EFCAB6: variants seen among roughly 807,000 people sequenced by gnomAD.
EFCAB6 encodes EF-hand calcium binding domain 6.
A neutral mutation model predicts 169.8 loss-of-function variants in EFCAB6; 156 were observed. The ratio of observed to expected loss-of-function variants is 0.92; its 90% confidence interval spans 0.81 to 1.05. The LOEUF (loss-of-function observed/expected upper bound fraction) is 1.05. EFCAB6 is among the 50% of genes least tolerant of loss of function. EFCAB6 has a pLI of 0.00. For missense variants in EFCAB6, 1,800 were observed against 1,829.1 expected (o/e 0.98, Z 0.29); for synonymous variants, 698 against 676.4 (o/e 1.03, Z -0.50).
chr22:43,730,925 A>G (rs1020128266), intron 8 of EFCAB6, among the ~76,000 whole-genome samples: 5 of 152,202 alleles, frequency 3.3e-5, no homozygotes, highest in Admixed American at 3.3e-4. Flanking sequence ...GAATCATAGA[A>G]CATGGTCCCT....
chr22:43,782,540 A>C (rs1603366458), intron 2 of EFCAB6, among the ~76,000 whole-genome samples: 3 of 152,348 alleles, frequency 2.0e-5, no homozygotes, highest in African/African-American at 7.2e-5. Flanking sequence ...AATAAACTTC[A>C]AAAACGGCAA....
At chr22:43,762,399 C>T (rs566854310) in intron 5 of EFCAB6, among the ~76,000 whole-genome samples, 3 of 152,162 alleles carry the variant, frequency 2.0e-5, no homozygotes. Context: ...TTGGCCAATA[C>T]CCTCAGGGAG....
intron 21 of EFCAB6, among the ~76,000 whole-genome samples, chr22:43,612,567 G>A (rs146481438): frequency 9.9e-4 from 151 of 152,236 alleles, no homozygotes; most frequent in Middle Eastern, 3.4e-3. Flanking sequence ...ACCACAATGA[G>A]ATACCATCTC....
At chr22:43,811,578 G>A (rs1476037416) in intron 1 of EFCAB6, among the ~76,000 whole-genome samples, 1 of 152,154 alleles carries the variant, frequency 6.6e-6, no homozygotes, top group Non-Finnish European at 1.5e-5. Context: ...TTCTGAGGGA[G>A]GCAGGGGTAA....
chr22:43,763,443 C>G (rs1385640541), intron 5 of EFCAB6, among the ~76,000 whole-genome samples: 1 of 152,090 alleles, frequency 6.6e-6, no homozygotes, highest in Non-Finnish European at 1.5e-5. Context: ...CAAAAGATCT[C>G]TAGAACATTT....
chr22:43,747,286 G>C (rs2060599379), intron 6 of EFCAB6, among the ~76,000 whole-genome samples: 1 of 152,202 alleles, frequency 6.6e-6, no homozygotes, highest in South Asian at 2.1e-4. Context: ...TGCACGGAAA[G>C]GCTGGCTGCA....
At chr22:43,672,388 G>T in intron 13 of EFCAB6, 83 bp from the exon 14 acceptor site, 1 of 1,436,808 alleles carries the variant, frequency 7.0e-7, no homozygotes, top group South Asian at 1.2e-5. Flanking sequence ...ACCTGGACTG[G>T]AATCCTAGCT....
intron 28 of EFCAB6, among the ~76,000 whole-genome samples, 158 bp downstream of exon 28, chr22:43,539,969 C>G (rs941230751): frequency 8.5e-5 from 13 of 152,170 alleles, no homozygotes; most frequent in Admixed American, 3.9e-4. Context: ...ATGCTAAGGA[C>G]CTGCCAGTGG....
chr22:43,773,030 T>C lies in EFCAB6; in HGVS notation c.213A>G (p.Arg71=). Residue 71 remains arginine, a synonymous_variant, in exon 4 of 32, where the codon AGA becomes AGG. Coordinates refer to ENST00000262726, the MANE Select transcript of EFCAB6 (RefSeq NM_022785.4). ...GAAAGGCTTTTTGCAACTCATCCCCTCTGTCGGTAATTTTTTGAAATAAAA... is the reference window on the plus strand; with the variant it reads ...GAAAGGCTTTTTGCAACTCATCCCCCCTGTCGGTAATTTTTTGAAATAAAA... ...KRILFQKITD[R]GDELQKAFQL... The C allele has an allele frequency of 1.2e-6, 2 of 1,614,158 alleles. No individual in the cohort carries two copies. The highest frequency in any genetic ancestry group is 1.7e-6 in the Non-Finnish European group (2 of 1,180,024).
rs924708901 is a variant in EFCAB6, at chr22:43,784,651, A to G, written c.-7-2326T>C. Among the ~76,000 whole-genome samples the G allele has an allele frequency of 6.9e-4, 52 of 75,308 alleles. 2 individuals carry two copies. In the East Asian group the frequency reaches 0.012, roughly 18 times the overall value. The allele number at this position is 75,308 out of a possible 152,430, so 49.4% of individuals were successfully genotyped here. On this transcript the variant is annotated intron_variant, in intron 2 of 31. Transcript: ENST00000262726. ...TATATATGTATATGTACACATATAT[A>G]TGTGTATATATACATATACATATAT...
chr22:43,580,354 A>G, intron 25 of EFCAB6, 110 bp downstream of exon 25: 1 of 1,175,830 alleles, frequency 8.5e-7, no homozygotes, highest in Non-Finnish European at 1.2e-6. Context: ...GGTTAACTAG[A>G]CACCCCAAGG....
intron 2 of EFCAB6, among the ~76,000 whole-genome samples, chr22:43,807,919 C>CT: frequency 6.6e-6 from 1 of 152,244 alleles, no homozygotes; most frequent in African/African-American, 2.4e-5. Flanking sequence ...AAATCAAAAC[C>CT]TTTGACGTCA....
intron 26 of EFCAB6, among the ~76,000 whole-genome samples, chr22:43,575,174 T>TTTGTTG (rs56125626): frequency 3.2e-4 from 48 of 151,000 alleles, no homozygotes; most frequent in East Asian, 5.9e-4. Flanking sequence ...ATAGACTGTT[T>TTTGTTG]TTGTTGTTGT....
At chr22:43,660,774 T>C (rs2056963596) in intron 17 of EFCAB6, among the ~76,000 whole-genome samples, 1 of 152,142 alleles carries the variant, frequency 6.6e-6, no homozygotes, top group Non-Finnish European at 1.5e-5. Context: ...CTCTGGCAGC[T>C]AGCCTGCATG....
At chr22:43,612,620 G>A (rs1450384876) in intron 21 of EFCAB6, among the ~76,000 whole-genome samples, 36 of 152,158 alleles carry the variant, frequency 2.4e-4, no homozygotes, top group African/African-American at 8.0e-4. Flanking sequence ...GGCCAGGTGT[G>A]GTGGCTCACA....
chr22:43,699,941 T>C (rs2058707211), intron 10 of EFCAB6, among the ~76,000 whole-genome samples: 1 of 152,254 alleles, frequency 6.6e-6, no homozygotes, highest in South Asian at 2.1e-4. Flanking sequence ...GGAAGGACGA[T>C]GTATGATCTC....
At chr22:43,609,161 C>T (rs770650417) in intron 21 of EFCAB6, among the ~76,000 whole-genome samples, 14 of 152,182 alleles carry the variant, frequency 9.2e-5, no homozygotes, top group Non-Finnish European at 2.1e-4. Context: ...TAATCTTCTT[C>T]ATAACAACAT....
chr22:43,683,846 A>G lies in EFCAB6; in HGVS notation c.1152T>C (p.Ser384=). The change falls in exon 12 of 32, where the codon TCT becomes TCC. Residue 384 remains serine, a synonymous_variant. Coordinates refer to ENST00000262726, the MANE Select transcript of EFCAB6 (RefSeq NM_022785.4). Reference sequence around the variant, plus strand: ...TGTTTTCCTTGTGAGATTCATTTCTAGAGTTGATGCTACAAGAGGATTAGG... The same window carrying G: ...TGTTTTCCTTGTGAGATTCATTTCTGGAGTTGATGCTACAAGAGGATTAGG... ...GPLTKRNSIN[S]RNESHKENII... 1 of 1,608,396 alleles carries G rather than the reference A, an allele frequency of 6.2e-7. No homozygotes were observed. Among genetic ancestry groups the G allele is most frequent in the Middle Eastern group, 1.7e-4 (1 of 5,952 alleles).
intron 15 of EFCAB6, 105 bp downstream of exon 15, chr22:43,671,868 A>G: frequency 7.4e-7 from 1 of 1,343,554 alleles, no homozygotes; most frequent in Non-Finnish European, 1.0e-6. Context: ...AGTTATTATC[A>G]ATACTACCTA....
Sources: allele counts gnomAD v4.1 joint callset (sites outside exome capture counted in the v4.1 genomes callset), GRCh38; gene constraint gnomAD v4.1.1; transcripts MANE v1.5; gene names NCBI Gene and HGNC (gene_info 2026-07-23, HGNC 2026-07-21).